Variants in MYH7 observed in about 807,000 individuals in gnomAD.
The protein encoded by MYH7 is myosin-7.
MYH7 carries 129 observed loss-of-function variants against 225.4 expected under a neutral mutation model. The ratio of observed to expected loss-of-function variants is 0.57; its 90% CI spans 0.50 to 0.66. The LOEUF (loss-of-function observed/expected upper bound fraction) is 0.66, where lower values mean the gene tolerates loss of function less well. Among genes scored for constraint, MYH7 ranks in the 30% least tolerant of loss-of-function variants. The probability of loss-of-function intolerance (pLI) is 0.00; values close to 1 mark genes in which losing one functional copy is unlikely to be tolerated. For synonymous variants in MYH7, 971 were observed against 1,007.6 expected, an observed-to-expected ratio of 0.96 and a Z score of 0.69; for missense variants, 1,649 against 2,517.0, an observed-to-expected ratio of 0.66 and a Z score of 7.38.
In MYH7 at chr14:23,415,610, G is replaced by A; in HGVS notation, c.5157+19C>T. 2 of 1,613,648 alleles carry A rather than the reference G, an allele frequency of 1.2e-6. No individual in the cohort carries two copies. Among genetic ancestry groups the A allele is most frequent in the South Asian group, 2.2e-5 (2 of 91,070 alleles). Reference sequence around the variant, plus strand: ...CCCAGCCTGTGCTCCCTTCAGGAATGAGCAGGGGAGCTGCTCACCTGGGAA... The same window carrying A: ...CCCAGCCTGTGCTCCCTTCAGGAATAAGCAGGGGAGCTGCTCACCTGGGAA... On this transcript the variant is annotated intron_variant, in intron 35 of 39. Coordinates refer to ENST00000355349, the MANE Select transcript of MYH7 (RefSeq NM_000257.4). The surrounding 1 kb of genome is among the most constrained non-coding windows in gnomAD (Gnocchi z 6.3).
At position 23,415,213 on chromosome 14, in the gene MYH7, G is replaced by A. The variant is rs397516245; in HGVS notation, c.5341C>T (p.Arg1781Cys). ...KEQDTSAHLE[R>C]MKKNMEQTIK... ...GTCTGTTCCATGTTCTTCTTCATGC[G>A]CTCCAGGTGGGCGCTGGTGTCCTGC... Residue 1781 changes from arginine to cysteine, a missense_variant, in exon 37 of 40, where the codon CGC becomes TGC. Physicochemically the swap from Arg to Cys is radical, Grantham distance 180 (BLOSUM62 -3). Around this residue, in one of 12 missense-constraint regions of MYH7, gnomAD observed 687 missense variants for 913.8 expected, o/e 0.75. Transcript: ENST00000355349. The surrounding 1 kb of genome is among the most constrained non-coding windows in gnomAD (Gnocchi z 6.3). 8 of 1,614,114 alleles carry A rather than the reference G, an allele frequency of 5.0e-6. No homozygotes were observed. Among genetic ancestry groups the A allele is most frequent in the Admixed American group, 1.7e-5 (1 of 60,006 alleles).
In MYH7 at chr14:23,430,755, G is replaced by A. The variant is rs1892897382; in HGVS notation, c.896-92C>T. On this transcript the variant is annotated intron_variant, in intron 10 of 39. Coordinates refer to ENST00000355349, the MANE Select transcript of MYH7 (RefSeq NM_000257.4). Reference sequence around the variant, plus strand: ...GCACATGGCCTGAGGAAGAGCACAGGACAGGGCTTGGCTTGGCCCCACATC... The same window carrying A: ...GCACATGGCCTGAGGAAGAGCACAGAACAGGGCTTGGCTTGGCCCCACATC... 5 of 1,330,746 alleles carry A rather than the reference G, an allele frequency of 3.8e-6. No individual in the cohort carries two copies. The South Asian group carries it at 5.9e-5, about 16-fold the overall frequency. 82.4% of individuals were successfully genotyped at this position (1,330,746 alleles called of 1,614,324 possible).
In MYH7 at chr14:23,419,553, G is replaced by A; in HGVS notation, c.3783C>T (p.Ser1261=). ...CAGAACGCTGGGTCTCCTCCGCCTTGCTCCGGTGCTCATTCATCTGGTCTT... is the reference window on the plus strand; with the variant it reads ...CAGAACGCTGGGTCTCCTCCGCCTTACTCCGGTGCTCATTCATCTGGTCTT... ...TLEDQMNEHR[S]KAEETQRSVN... Residue 1261 remains serine, a synonymous_variant, in exon 28 of 40, where the codon AGC becomes AGT. Coordinates refer to ENST00000355349, the MANE Select transcript of MYH7 (RefSeq NM_000257.4). The A allele has an allele frequency of 1.2e-6, 2 of 1,614,046 alleles. No individual in the cohort carries two copies. Among genetic ancestry groups the A allele is most frequent in the Non-Finnish European group, 1.7e-6 (2 of 1,180,016 alleles).
At position 23,429,807 on chromosome 14, in the gene MYH7, C is replaced by T. The variant is rs397516089; in HGVS notation, c.1106G>A (p.Arg369Gln). The T allele has an allele frequency of 6.2e-7, 1 of 1,613,252 alleles. No homozygotes were observed. Among genetic ancestry groups the T allele is most frequent in the Non-Finnish European group, 8.5e-7 (1 of 1,180,012 alleles). The change falls in exon 12 of 40, where the codon CGG becomes CAG. Residue 369 changes from arginine (R) to glutamine (Q), a missense_variant. Physicochemically the swap from Arg to Gln is conservative, Grantham distance 43. Coordinates refer to ENST00000355349, the MANE Select transcript of MYH7 (RefSeq NM_000257.4). ...FGNMKFKLKQREEQAEPDGTE... is the reference protein window; with the variant it reads ...FGNMKFKLKQQEEQAEPDGTE... The stretch of plus-strand genomic sequence containing the variant: ...GCCGTCTGGCTCCGCCTGCTCCTCC[C>T]GCTGCTTCAGCTTGAACTTCATGTT...
In MYH7 at chr14:23,422,257, C is replaced by T. The variant is rs747198710; in HGVS notation, c.3168G>A (p.Glu1056=). The T allele has an allele frequency of 6.2e-7, 1 of 1,614,068 alleles. No homozygotes were observed. The highest frequency in any genetic ancestry group is 8.5e-7 in the Non-Finnish European group (1 of 1,179,996). The stretch of plus-strand genomic sequence containing the variant: ...TCTCCTGGGTCAGCTTCAGGTCGCC[C>T]TCCAGCTTCCGCTTCGCTCGCTCCA... ...MDLERAKRKL[E]GDLKLTQESI... The change falls in exon 25 of 40, where the codon GAG becomes GAA. Residue 1056 remains glutamate, a synonymous_variant. Transcript: ENST00000355349.
chr14:23,422,663 A>C (rs1595080501), intron 24 of MYH7, among the ~76,000 whole-genome samples: 4 of 108,672 alleles, frequency 3.7e-5, no homozygotes, highest in Non-Finnish European at 3.4e-5. Context: ...ATGGAGTCTC[A>C]CTCTGTCGCC....
In MYH7 at chr14:23,415,520, G is replaced by A; in HGVS notation, c.5158-14C>T. The A allele has an allele frequency of 6.2e-7, 1 of 1,614,188 alleles. No homozygotes were observed. The highest frequency in any genetic ancestry group is 8.5e-7 in the Non-Finnish European group (1 of 1,180,046). On this transcript the variant is annotated splice_polypyrimidine_tract_variant and intron_variant, in intron 35 of 39. Coordinates refer to ENST00000355349, the MANE Select transcript of MYH7 (RefSeq NM_000257.4). The surrounding 1 kb of genome is among the most constrained non-coding windows in gnomAD (Gnocchi z 6.3). Reference sequence around the variant, plus strand: ...GAGGCTGGTGTTCTGGGTTGGGGGAGGGTTGGGCAGAGCAGGAAAAGCATT... The same window carrying A: ...GAGGCTGGTGTTCTGGGTTGGGGGAAGGTTGGGCAGAGCAGGAAAAGCATT...
In MYH7 at chr14:23,425,501, A is replaced by G. The variant is rs2138667504; in HGVS notation, c.2287-83T>C. 1 of 1,605,662 alleles carries G rather than the reference A, an allele frequency of 6.2e-7. No homozygotes were observed. ...TGGGGATTACCTTAGGAAGGGTAAC[A>G]GCCTAGAAAAGGATTGCAGGGAGGA... On this transcript the variant is annotated intron_variant, in intron 20 of 39. Transcript: ENST00000355349. This position sits in a 1 kb window ranked among gnomAD's most constrained non-coding sequence, Gnocchi z 4.6.
intron 6 of MYH7, 36 bp downstream of exon 6, chr14:23,432,443 G>T (rs1379433084): frequency 1.2e-6 from 2 of 1,613,472 alleles, no homozygotes; most frequent in Admixed American, 1.7e-5. Flanking sequence ...GGATCAGGGA[G>T]ATTCTGAAAG....
rs568976204 is a variant in MYH7, at chr14:23,425,547, G to C, written c.2287-129C>G. ...GAGGAGGTCAATGGCAGCTGGAGCT[G>C]GGATGAGGGGAGTGGTGCTAGATGT... On this transcript the variant is annotated intron_variant, in intron 20 of 39. Coordinates refer to ENST00000355349, the MANE Select transcript of MYH7 (RefSeq NM_000257.4). The surrounding 1 kb of genome is among the most constrained non-coding windows in gnomAD (Gnocchi z 4.6). 1 of 1,575,252 alleles carries C rather than the reference G, an allele frequency of 6.3e-7. No individual in the cohort carries two copies. The highest frequency in any genetic ancestry group is 1.1e-5 in the South Asian group (1 of 88,990).
intron 38 of MYH7, 24 bp downstream of exon 38, chr14:23,413,983 C>T: frequency 6.2e-7 from 1 of 1,614,120 alleles, no homozygotes; most frequent in Non-Finnish European, 8.5e-7. Context: ...TCCCCTGGGC[C>T]TAGTCCCCAG....
Position 23,420,064 on chromosome 14 carries a change from G to C in MYH7, c.3507C>G (p.Ala1169=), listed in dbSNP as rs200336193. 4 of 1,586,704 alleles carry C rather than the reference G, an allele frequency of 2.5e-6. No homozygotes were observed. The East Asian group carries it at 6.8e-5, about 27-fold the overall frequency. The change falls in exon 27 of 40, where the codon GCC becomes GCG. Residue 1169 remains alanine, a synonymous_variant. Transcript: ENST00000355349. ...VQIEMNKKRE[A]EFQKMRRDLE... is the part of the protein sequence containing the mutation. ...GGTCCCGCCGCATCTTCTGGAACTC[G>C]GCCTCGCGCTTCTTGTTCATCTCGA...
chr14:23,417,783 C>T, intron 30 of MYH7, 97 bp from the exon 31 acceptor site: 2 of 1,489,954 alleles, frequency 1.3e-6, no homozygotes, highest in South Asian at 2.3e-5. Flanking sequence ...ATCCTTGAAA[C>T]CTCAGAAGTG....
In MYH7 at chr14:23,425,987, G is replaced by A. The variant is rs1595083774; in HGVS notation, c.2139C>T (p.Ile713=). The change falls in exon 19 of 40, where the codon ATC becomes ATT. Residue 713 remains isoleucine, a synonymous_variant. Transcript: ENST00000355349. The surrounding 1 kb of genome is among the most constrained non-coding windows in gnomAD (Gnocchi z 4.6). ...RICRKGFPNR[I]LYGDFRQRYR... ...ACCTCTGCCGGAAGTCCCCGTAGAGGATGCGGTTGGGGAAGCCTTTCCTGC... is the reference window on the plus strand; with the variant it reads ...ACCTCTGCCGGAAGTCCCCGTAGAGAATGCGGTTGGGGAAGCCTTTCCTGC... 1.2e-6 allele frequency: 2 copies of A among 1,614,086 alleles called. No individual in the cohort carries two copies. Among genetic ancestry groups the A allele is most frequent in the Non-Finnish European group, 1.7e-6 (2 of 1,180,046 alleles).
chr14:23,428,907 G>A (rs1379552730), intron 14 of MYH7, 48 bp downstream of exon 14: 1 of 1,613,716 alleles, frequency 6.2e-7, no homozygotes, highest in Non-Finnish European at 8.5e-7. Flanking sequence ...TGTTGAATGT[G>A]GGAGCGAGTG....
At position 23,417,219 on chromosome 14, in the gene MYH7, T is replaced by G. The variant is rs1595074754; in HGVS notation, c.4453A>C (p.Lys1485Gln). The G allele has an allele frequency of 2.5e-6, 4 of 1,614,192 alleles. No individual in the cohort carries two copies. The highest frequency in any genetic ancestry group is 3.4e-6 in the Non-Finnish European group (4 of 1,180,026). Residue 1485 changes from lysine (K) to glutamine (Q), a missense_variant, in exon 32 of 40, where the codon AAG becomes CAG. Lys to Gln is a moderately conservative substitution (Grantham distance 53). Transcript: ENST00000355349. The part of the protein sequence containing the change: ...RSLSTELFKL[K>Q]NAYEESLEHL... The stretch of plus-strand genomic sequence containing the variant: ...TCCAGGGACTCCTCATAGGCGTTCT[T>G]GAGTTTGAAGAGCTCTGTGCTGAGG...
At chr14:23,434,666 G>T (rs909527207) in intron 1 of MYH7, among the ~76,000 whole-genome samples, 1 of 152,202 alleles carries the variant, frequency 6.6e-6, no homozygotes, top group Non-Finnish European at 1.5e-5. Context: ...GAGGTTAAAT[G>T]GCTTGCTTGG....
intron 11 of MYH7, 113 bp from the exon 12 acceptor site, chr14:23,430,026 A>G: frequency 7.8e-7 from 1 of 1,287,486 alleles, no homozygotes; most frequent in Non-Finnish European, 1.1e-6. Context: ...GGGTTCTGAG[A>G]CTCCCATACC....
Position 23,420,014 on chromosome 14 carries a change from T to C in MYH7, c.3557A>G (p.Glu1186Gly), listed in dbSNP as rs1457787531. The C allele has an allele frequency of 6.3e-7, 1 of 1,585,842 alleles. No individual in the cohort carries two copies. The highest frequency in any genetic ancestry group is 1.7e-5 in the Admixed American group (1 of 57,882). The change falls in exon 27 of 40, where the codon GAG becomes GGG. Residue 1186 changes from glutamate to glycine, a missense_variant. Physicochemically the swap from Glu to Gly is moderately conservative, Grantham distance 98 (BLOSUM62 -2). Transcript: ENST00000355349. ...CTTGCGCAGGGCCGCGGCAGTGGCC[T>C]CGTGCTGCAGCGTGGCCTCCTCCAG... ...RDLEEATLQH[E>G]ATAAALRKKH...
Sources: gnomAD v4.1 joint callset for allele counts (sites outside exome capture counted in the v4.1 genomes callset) on GRCh38, gnomAD v4.1.1 for gene constraint, gnomAD v4.1.1 regional missense constraint, Gnocchi (gnomAD v3.1) non-coding constraint, MANE v1.5 for transcripts, NCBI Gene and HGNC (gene_info 2026-07-23, HGNC 2026-07-21) for gene names.